Variants in IRAK2 observed in about 807,000 individuals in gnomAD.
IRAK2 encodes the protein interleukin-1 receptor-associated kinase-like 2.
In IRAK2, 57 loss-of-function variants were observed where a neutral mutation model predicts 72.0. That is an observed-to-expected ratio of 0.79 (90% CI 0.64 to 0.99). The LOEUF is 0.99. Ranked by LOEUF, IRAK2 falls within the 50% of genes least tolerant of loss-of-function variation. The pLI is 0.00. For synonymous variants in IRAK2, 293 were observed against 312.7 expected, an observed-to-expected ratio of 0.94 and a Z score of 0.67; for missense variants, 790 against 794.4, an observed-to-expected ratio of 0.99 and a Z score of 0.07.
chr3:10,189,703 A>G (rs577873826), intron 2 of IRAK2, among the ~76,000 whole-genome samples: 141 of 152,224 alleles, frequency 9.3e-4, no homozygotes, highest in African/African-American at 2.6e-3. Context: ...CTGGGCTCTC[A>G]TTGAGTGGAA....
At chr3:10,196,536 G>A (rs1364954887) in intron 2 of IRAK2, among the ~76,000 whole-genome samples, 4 of 152,220 alleles carry the variant, frequency 2.6e-5, no homozygotes, top group African/African-American at 7.2e-5. Flanking sequence ...TCTAGACTCC[G>A]AGTTTCAGCC....
chr3:10,241,516 G>C (rs1326943634), intron 12 of IRAK2, among the ~76,000 whole-genome samples: 6 of 150,254 alleles, frequency 4.0e-5, no homozygotes, highest in Non-Finnish European at 8.9e-5. Flanking sequence ...CCGAGATTGA[G>C]CCACTGCACT....
At chr3:10,216,365 G>C (rs1406987932) in intron 6 of IRAK2, among the ~76,000 whole-genome samples, 4 of 152,126 alleles carry the variant, frequency 2.6e-5, no homozygotes, top group African/African-American at 9.7e-5. Flanking sequence ...CTTAGGATGG[G>C]GCTGGAGATA....
intron 3 of IRAK2, among the ~76,000 whole-genome samples, chr3:10,207,869 A>G (rs1183977573): frequency 6.6e-6 from 1 of 151,988 alleles, no homozygotes; most frequent in Non-Finnish European, 1.5e-5. Flanking sequence ...GCGCACGCCT[A>G]TAGTCCCAGC....
At chr3:10,192,125 A>G (rs866532537) in intron 2 of IRAK2, among the ~76,000 whole-genome samples, 6 of 152,066 alleles carry the variant, frequency 3.9e-5, no homozygotes, top group Admixed American at 1.3e-4. Flanking sequence ...AGGGAAAGGA[A>G]AAGAGAGGGC....
intron 3 of IRAK2, among the ~76,000 whole-genome samples, chr3:10,204,458 G>A (rs925065812): frequency 8.5e-5 from 13 of 152,184 alleles, no homozygotes; most frequent in African/African-American, 2.7e-4. Context: ...CAGAGGTGGT[G>A]CATTTTGCTT....
Position 10,242,132 on chromosome 3 carries a change from G to A in IRAK2, c.1782G>A (p.Trp594Ter), listed in dbSNP as rs1413722899. 1.2e-6 allele frequency: 2 copies of A among 1,610,392 alleles called. No homozygotes were observed. The highest frequency in any genetic ancestry group is 1.7e-6 in the Non-Finnish European group (2 of 1,177,518). Residue 594 changes from tryptophan (W) to a stop codon, truncating the protein, a stop_gained, in exon 13 of 13, where the codon TGG (tryptophan) becomes TGA (stop). Transcript: ENST00000256458. LOFTEE classifies it high-confidence loss of function. ...GAACATCAGTTACAGAAACTTCGTG[G>A]CAAATTGAGATCAATGAGGCCAAAA... ...EPPQDVTETS[W>*]QIEINEAKRK...
At chr3:10,200,342 A>G (rs753210037) in intron 2 of IRAK2, 27 bp from the exon 3 acceptor site, 2 of 1,562,792 alleles carry the variant, frequency 1.3e-6, no homozygotes, top group African/African-American at 1.4e-5. Context: ...TGGAATAGTA[A>G]TAACTTTCTT....
At chr3:10,167,494 A>G (rs1357013643) in intron 1 of IRAK2, among the ~76,000 whole-genome samples, 4 of 151,306 alleles carry the variant, frequency 2.6e-5, no homozygotes, top group East Asian at 3.9e-4. Flanking sequence ...GGCTCACTGC[A>G]AGCTCCACCT....
chr3:10,172,779 G>A lies in IRAK2; in HGVS notation c.95-5059G>A, dbSNP rs182925302. 2.5e-3 allele frequency among the ~76,000 whole-genome samples: 367 copies of A among 148,592 alleles called. 4 individuals are homozygous for A. Among genetic ancestry groups the A allele is most frequent in the African/African-American group, 8.6e-3 (347 of 40,294 alleles). The stretch of plus-strand genomic sequence containing the variant: ...TGTGAACCCAGGAGGTGGAGGTTGT[G>A]GTGAGCCAAGATCGCGCCACTGCAC... On this transcript the variant is annotated intron_variant, in intron 1 of 12. Transcript: ENST00000256458.
chr3:10,223,848 C>G (rs1426006321), intron 9 of IRAK2, among the ~76,000 whole-genome samples: 1 of 152,220 alleles, frequency 6.6e-6, no homozygotes, highest in African/African-American at 2.4e-5. Context: ...TCTGTACTTC[C>G]TCTCTCTGAC....
At chr3:10,227,144 T>C (rs1252177649) in intron 10 of IRAK2, among the ~76,000 whole-genome samples, 2 of 152,070 alleles carry the variant, frequency 1.3e-5, no homozygotes, top group African/African-American at 4.8e-5. Context: ...TACACAGTCA[T>C]TTAAAAAATA....
chr3:10,165,432 G>GGT lies in IRAK2; in HGVS notation c.94+404_94+405dup, dbSNP rs777397782. ...CCACGGTGCTGTCACTTCTTGGGGG[G>GGT]GTGTGTGTGTGTGTGTGTGTGGTGT... On this transcript the variant is annotated intron_variant, in intron 1 of 12. Coordinates refer to ENST00000256458, the MANE Select transcript of IRAK2 (RefSeq NM_001570.4). Among the ~76,000 whole-genome samples, 355 of 145,720 alleles carry GGT rather than the reference G, an allele frequency of 2.4e-3. 4 individuals carry two copies. Among genetic ancestry groups the GGT allele is most frequent in the Middle Eastern group, 7.0e-3 (2 of 284 alleles).
At chr3:10,224,000 G>C (rs1294665274) in intron 9 of IRAK2, among the ~76,000 whole-genome samples, 1 of 152,206 alleles carries the variant, frequency 6.6e-6, no homozygotes, top group Non-Finnish European at 1.5e-5. Flanking sequence ...AAGTTGTTCA[G>C]TGAAGCTCAG....
intron 2 of IRAK2, among the ~76,000 whole-genome samples, chr3:10,191,640 G>C (rs1366721514): frequency 6.6e-6 from 1 of 152,072 alleles, no homozygotes; most frequent in Non-Finnish European, 1.5e-5. Context: ...TCTCTCCCCA[G>C]CTTCCCTACA....
intron 1 of IRAK2, 100 bp from the exon 2 acceptor site, chr3:10,177,738 G>C: frequency 1.7e-6 from 2 of 1,166,652 alleles, no homozygotes; most frequent in Non-Finnish European, 2.5e-6. Flanking sequence ...GGTGGTTGGG[G>C]AGGATGTCCT....
chr3:10,209,029 G>A (rs1426209506), intron 3 of IRAK2, among the ~76,000 whole-genome samples: 1 of 151,942 alleles, frequency 6.6e-6, no homozygotes, highest in African/African-American at 2.4e-5. Context: ...TGTTGAAAAC[G>A]TTTCTCCATA....
chr3:10,234,087 C>G (rs915893204), intron 10 of IRAK2, among the ~76,000 whole-genome samples: 1 of 152,130 alleles, frequency 6.6e-6, no homozygotes, highest in Non-Finnish European at 1.5e-5. Context: ...GGCTCGAACT[C>G]CTGACCTCAA....
chr3:10,211,973 G>A (rs1202926777), intron 4 of IRAK2, among the ~76,000 whole-genome samples: 1 of 151,628 alleles, frequency 6.6e-6, no homozygotes, highest in Non-Finnish European at 1.5e-5. Flanking sequence ...CCAGCTGCTC[G>A]GGAGACTGAG....
Sources: gnomAD v4.1 joint callset for allele counts (sites outside exome capture counted in the v4.1 genomes callset) on GRCh38, gnomAD v4.1.1 for gene constraint, MANE v1.5 for transcripts, NCBI Gene and HGNC (gene_info 2026-07-23, HGNC 2026-07-21) for gene names.